BRD10: variants seen among roughly 807,000 people sequenced by gnomAD.
The protein encoded by BRD10 is uncharacterized bromodomain-containing protein 10.
chr9:5,922,646 C>T, the BRD10 span: 1 of 1,613,914 alleles, frequency 6.2e-7, no homozygotes, highest in South Asian at 1.1e-5. Context: ...AACTGCTTTT[C>T]CTTCTTTATG....
the BRD10 span, chr9:6,007,173 A>G: frequency 1.2e-6 from 2 of 1,604,866 alleles, no homozygotes; most frequent in Non-Finnish European, 1.7e-6. Context: ...TGTCAGTCCC[A>G]CCGGGGACCG....
At chr9:5,940,440 A>C in the BRD10 span, among the ~76,000 whole-genome samples, 1 of 151,750 alleles carries the variant, frequency 6.6e-6, no homozygotes, top group Non-Finnish European at 1.5e-5. Flanking sequence ...TGATCCGCCC[A>C]CCTTGGCCTC....
chr9:6,008,029 TCTCCC>T, the BRD10 span: 2 of 1,172,670 alleles, frequency 1.7e-6, no homozygotes, highest in South Asian at 7.8e-5. Flanking sequence ...GGTGCCCTCC[TCTCCC>T]CTCCCCCCCG....
chr9:5,965,055 A>AT, the BRD10 span, among the ~76,000 whole-genome samples: 1 of 65,796 alleles, frequency 1.5e-5, no homozygotes, highest in Non-Finnish European at 3.6e-5. Context: ...TTAAAGTATA[A>AT]TAAAAAAAAA....
At chr9:5,939,873 T>C in the BRD10 span, among the ~76,000 whole-genome samples, 3 of 152,224 alleles carry the variant, frequency 2.0e-5, no homozygotes, top group Non-Finnish European at 4.4e-5. Context: ...TCTTCAACTA[T>C]GACAATCAAT....
the BRD10 span, among the ~76,000 whole-genome samples, chr9:5,982,687 T>C: frequency 2.0e-5 from 3 of 152,194 alleles, no homozygotes; most frequent in Non-Finnish European, 4.4e-5. Flanking sequence ...AAATTCCTTC[T>C]CTTCATAAAT....
chr9:5,969,430 C>T, the BRD10 span: 12 of 1,542,102 alleles, frequency 7.8e-6, no homozygotes, highest in South Asian at 1.1e-4. Context: ...TTTCCTGCTC[C>T]CGAAGCCTAA....
the BRD10 span, among the ~76,000 whole-genome samples, chr9:5,958,111 G>C: frequency 3.3e-5 from 5 of 152,134 alleles, no homozygotes; most frequent in African/African-American, 9.7e-5. Flanking sequence ...CCTGGAAAAT[G>C]CATAAGGAAA....
chr9:5,888,889 C>T, the BRD10 span, among the ~76,000 whole-genome samples: 2 of 152,144 alleles, frequency 1.3e-5, no homozygotes, highest in Admixed American at 1.3e-4. Flanking sequence ...TACACAACAA[C>T]AAGGAAGAAT....
chr9:5,942,888 G>GT, the BRD10 span, among the ~76,000 whole-genome samples: 1 of 152,116 alleles, frequency 6.6e-6, no homozygotes, highest in South Asian at 2.1e-4. Context: ...TTCTTCTTCT[G>GT]TTTTTTTGAG....
chr9:5,922,548 C>A, the BRD10 span: 7 of 1,613,928 alleles, frequency 4.3e-6, no homozygotes, highest in Non-Finnish European at 5.9e-6. Context: ...AAAACTGATG[C>A]TAAAGAAGAA....
At chr9:5,987,830 GAA>G in the BRD10 span, among the ~76,000 whole-genome samples, 1 of 152,112 alleles carries the variant, frequency 6.6e-6, no homozygotes, top group Admixed American at 6.5e-5. Context: ...TTTATAAATT[GAA>G]AAGTTATATA....
chr9:5,934,223 T>C, the BRD10 span, among the ~76,000 whole-genome samples: 1 of 152,216 alleles, frequency 6.6e-6, no homozygotes, highest in South Asian at 2.1e-4. Flanking sequence ...TTTTCCTATA[T>C]GCTTTTATTT....
the BRD10 span, among the ~76,000 whole-genome samples, chr9:5,957,025 T>TTA: frequency 6.6e-6 from 1 of 152,090 alleles, no homozygotes; most frequent in African/African-American, 2.4e-5. Context: ...TAAGTCTACT[T>TTA]TATAGTGAAG....
the BRD10 span, among the ~76,000 whole-genome samples, chr9:5,954,621 T>A: frequency 3.9e-5 from 6 of 152,196 alleles, no homozygotes; most frequent in African/African-American, 1.4e-4. Flanking sequence ...GCGGTATCAA[T>A]ACCCAAAGTT....
chr9:5,908,612 C>A, the BRD10 span: 5 of 1,595,246 alleles, frequency 3.1e-6, no homozygotes, highest in Non-Finnish European at 4.3e-6. Context: ...GTTGCCAAGC[C>A]CATATTCTCC....
At chr9:5,940,574 A>T in the BRD10 span, among the ~76,000 whole-genome samples, 50 of 152,302 alleles carry the variant, frequency 3.3e-4, no homozygotes, top group South Asian at 1.4e-3. Context: ...CTAGCTATAT[A>T]ACAGTGTGTT....
At chr9:6,004,361 G>A in the BRD10 span, among the ~76,000 whole-genome samples, 1 of 152,148 alleles carries the variant, frequency 6.6e-6, no homozygotes, top group South Asian at 2.1e-4. Context: ...AATTCTAGAA[G>A]ATACTTAAAT....
At chr9:5,928,965 A>C in the BRD10 span, 6 of 713,896 alleles carry the variant, frequency 8.4e-6, no homozygotes, top group African/African-American at 1.8e-5. Context: ...AAAACTACTA[A>C]ATGATTCCAG....
Sources: gnomAD v4.1 joint callset for allele counts (sites outside exome capture counted in the v4.1 genomes callset) on GRCh38, gnomAD v4.1.1 for gene constraint, MANE v1.5 for transcripts, NCBI Gene and HGNC (gene_info 2026-07-23, HGNC 2026-07-21) for gene names.